METTL15: variants seen among roughly 807,000 people sequenced by gnomAD.
The protein encoded by METTL15 is 12S rRNA N(4)-cytidine methyltransferase METTL15.
Under a neutral mutation model 38.3 loss-of-function variants are expected in METTL15, and 34 were observed. The observed-to-expected ratio is 0.89, with a 90% CI of 0.68 to 1.18. The LOEUF (loss-of-function observed/expected upper bound fraction) is 1.18. Ranked by LOEUF, METTL15 falls within the 50% of genes most tolerant of loss-of-function variation. The pLI, the probability that METTL15 is intolerant of heterozygous loss-of-function variation, is 0.00. For missense variants in METTL15, 438 were observed against 498.4 expected, an observed-to-expected ratio of 0.88 and a Z score of 1.15; for synonymous variants, 162 against 170.9, an observed-to-expected ratio of 0.95 and a Z score of 0.41.
chr11:28,387,672 G>A (rs1260928968), intron 5 of METTL15, among the ~76,000 whole-genome samples: 2 of 151,966 alleles, frequency 1.3e-5, no homozygotes, highest in Non-Finnish European at 2.9e-5. Flanking sequence ...GAAGAGGAAG[G>A]AATGCTTTCA....
At chr11:28,241,832 G>A (rs1854312062) in intron 4 of METTL15, among the ~76,000 whole-genome samples, 1 of 152,186 alleles carries the variant, frequency 6.6e-6, no homozygotes, top group Non-Finnish European at 1.5e-5. Flanking sequence ...AAGAAGAGTA[G>A]TAAGAAAAAG....
chr11:28,387,556 C>T lies in METTL15; in HGVS notation c.*358+25520C>T, dbSNP rs573403200. On this transcript the variant is annotated intron_variant and NMD_transcript_variant, in intron 5 of 7. Coordinates refer to the METTL15 transcript ENST00000532947. ...GGGAGATTAAATCGGTAATTAAAAA[C>T]CTCCCAGCAAAGAAAAGCCCAGGAC... Among the ~76,000 whole-genome samples the T allele has an allele frequency of 2.6e-5, 4 of 151,988 alleles. No individual in the cohort carries two copies. The East Asian group carries it at 7.7e-4, about 29-fold the overall frequency.
At chr11:28,355,356 A>G (rs1377252980) in intron 4 of METTL15, among the ~76,000 whole-genome samples, 1 of 152,220 alleles carries the variant, frequency 6.6e-6, no homozygotes, top group Non-Finnish European at 1.5e-5. Context: ...TTTTATTTAA[A>G]GTATGTCAAT....
chr11:28,271,786 C>G (rs1855650156), intron 4 of METTL15, among the ~76,000 whole-genome samples: 1 of 152,026 alleles, frequency 6.6e-6, no homozygotes, highest in Admixed American at 6.6e-5. Flanking sequence ...AACAGGCAAC[C>G]TACAGAATGA....
intron 6 of METTL15, among the ~76,000 whole-genome samples, chr11:28,433,071 A>T (rs149125149): frequency 6.6e-6 from 1 of 152,038 alleles, no homozygotes; most frequent in Non-Finnish European, 1.5e-5. Flanking sequence ...TTCTTCCTGA[A>T]CACATTGAGG....
intron 3 of METTL15, among the ~76,000 whole-genome samples, chr11:28,159,709 G>A (rs915008715): frequency 6.6e-6 from 1 of 152,140 alleles, no homozygotes; most frequent in Non-Finnish European, 1.5e-5. Flanking sequence ...CTTCACATCA[G>A]AATTTAAGTA....
At chr11:28,158,586 A>G (rs954653825) in intron 3 of METTL15, among the ~76,000 whole-genome samples, 7 of 152,170 alleles carry the variant, frequency 4.6e-5, no homozygotes, top group Admixed American at 2.6e-4. Flanking sequence ...CCTCACTGGA[A>G]TAGACACTTA....
intron 5 of METTL15, 81 bp from the exon 6 acceptor site, chr11:28,296,672 T>G: frequency 6.8e-7 from 1 of 1,464,840 alleles, no homozygotes; most frequent in Non-Finnish European, 9.5e-7. Flanking sequence ...GTGTCTGACT[T>G]TATGTCTCAG....
chr11:28,221,680 G>T (rs1029628670), intron 4 of METTL15, among the ~76,000 whole-genome samples: 3 of 152,044 alleles, frequency 2.0e-5, no homozygotes, highest in Non-Finnish European at 4.4e-5. Context: ...CCATCTTTAT[G>T]GTTTTATCTA....
intron 6 of METTL15, among the ~76,000 whole-genome samples, chr11:28,313,416 CATT>C (rs1269412883): frequency 2.6e-5 from 4 of 151,312 alleles, no homozygotes; most frequent in South Asian, 2.1e-4. Context: ...AATATGAATT[CATT>C]ATTAATAATC....
chr11:28,160,620 A>G (rs182159220), intron 3 of METTL15, among the ~76,000 whole-genome samples: 175 of 152,240 alleles, frequency 1.1e-3, no homozygotes, highest in African/African-American at 2.4e-3. Flanking sequence ...AAACATTGTA[A>G]TACATTGGAG....
intron 6 of METTL15, among the ~76,000 whole-genome samples, chr11:28,523,292 A>G (rs972070696): frequency 1.3e-5 from 2 of 152,242 alleles, no homozygotes; most frequent in Non-Finnish European, 2.9e-5. Flanking sequence ...ATTGAATTAT[A>G]ATCAATAAAT....
At chr11:28,240,686 A>G (rs1212630205) in intron 4 of METTL15, among the ~76,000 whole-genome samples, 1 of 152,156 alleles carries the variant, frequency 6.6e-6, no homozygotes, top group African/African-American at 2.4e-5. Context: ...GCATTGATGT[A>G]TTGGCAATCT....
chr11:28,310,965 G>GTGGTGTGTGT (rs1565244523), intron 6 of METTL15, among the ~76,000 whole-genome samples: 1 of 77,484 alleles, frequency 1.3e-5, no homozygotes, highest in African/African-American at 6.1e-5. Flanking sequence ...GGTGGTGGTG[G>GTGGTGTGTGT]GTGTGTGTGT....
chr11:28,136,934 CT>C (rs773974883), intron 3 of METTL15, among the ~76,000 whole-genome samples: 1 of 151,238 alleles, frequency 6.6e-6, no homozygotes, highest in Non-Finnish European at 1.5e-5. Flanking sequence ...CTTTCATTAT[CT>C]TTTACTGTTA....
chr11:28,352,880 A>G (rs947095338), intron 4 of METTL15, among the ~76,000 whole-genome samples: 5 of 152,210 alleles, frequency 3.3e-5, no homozygotes, highest in Admixed American at 3.3e-4. Flanking sequence ...CAAAATATAT[A>G]TTCATAGAAC....
chr11:28,283,332 T>C (rs1856126052), intron 4 of METTL15, among the ~76,000 whole-genome samples: 1 of 152,208 alleles, frequency 6.6e-6, no homozygotes, highest in African/African-American at 2.4e-5. Flanking sequence ...TACCCTTTTA[T>C]ATCAAGCACC....
Position 28,419,538 on chromosome 11 carries a change from A to G in METTL15, c.*359-4761A>G, listed in dbSNP as rs150731761. The stretch of plus-strand genomic sequence containing the variant: ...GAATACCTGGAAAGCCTTCCCAAGA[A>G]GGACAGATACAAACAAGTCCAGACT... On this transcript the variant is annotated intron_variant and NMD_transcript_variant, in intron 5 of 7. Coordinates refer to the METTL15 transcript ENST00000532947. Among the ~76,000 whole-genome samples, 603 of 152,322 alleles carry G rather than the reference A, an allele frequency of 4.0e-3. 12 individuals are homozygous for G. The highest frequency in any genetic ancestry group is 3.7e-3 in the East Asian group (19 of 5,174).
At chr11:28,525,907 T>A (rs1417665611) in intron 6 of METTL15, among the ~76,000 whole-genome samples, 1 of 151,890 alleles carries the variant, frequency 6.6e-6, no homozygotes, top group African/African-American at 2.4e-5. Context: ...AGGTGGGGAG[T>A]CTCAGGCATG....
Sources: allele counts gnomAD v4.1 joint callset (sites outside exome capture counted in the v4.1 genomes callset), GRCh38; gene constraint gnomAD v4.1.1; transcripts MANE v1.5; gene names NCBI Gene and HGNC (gene_info 2026-07-23, HGNC 2026-07-21).